PHACTR2: variants seen among roughly 807,000 people sequenced by gnomAD.
PHACTR2 encodes the protein chromosome 6 open reading frame 56.
A neutral mutation model predicts 76.0 loss-of-function variants in PHACTR2; 30 were observed. The ratio of observed to expected loss-of-function variants is 0.39; its 90% confidence interval spans 0.30 to 0.54. The LOEUF is 0.54. PHACTR2 is among the 20% of genes least tolerant of loss of function. PHACTR2 has a pLI of 0.61. For missense variants in PHACTR2, 696 were observed against 781.1 expected (o/e 0.89, Z 1.30); for synonymous variants, 292 against 292.5 (o/e 1.00, Z 0.02).
At chr6:143,649,891 A>T (rs961265930) in intron 1 of PHACTR2, among the ~76,000 whole-genome samples, 1 of 152,190 alleles carries the variant, frequency 6.6e-6, no homozygotes, top group African/African-American at 2.4e-5. Flanking sequence ...CAGGAAGAGG[A>T]AGTCAAATAT....
At chr6:143,798,755 C>G (rs888023207) in intron 11 of PHACTR2, among the ~76,000 whole-genome samples, 2 of 152,122 alleles carry the variant, frequency 1.3e-5, no homozygotes, top group Non-Finnish European at 2.9e-5. Context: ...CATGGTGGAT[C>G]AGCTTTTTGA....
chr6:143,779,392 C>T (rs1316576804), intron 9 of PHACTR2, among the ~76,000 whole-genome samples: 2 of 151,210 alleles, frequency 1.3e-5, no homozygotes, highest in African/African-American at 4.9e-5. Flanking sequence ...CTCTGTTGCC[C>T]AGGCTGGAGG....
At chr6:143,567,247 C>A (rs1045190305) in intron 1 of PHACTR2, among the ~76,000 whole-genome samples, 3 of 152,058 alleles carry the variant, frequency 2.0e-5, no homozygotes, top group African/African-American at 7.2e-5. Context: ...TTTGAAAACC[C>A]CCAAAAATTT....
Position 143,700,171 on chromosome 6 carries a change from T to C in PHACTR2, c.47-11845T>C, listed in dbSNP as rs2128458217. Among the ~76,000 whole-genome samples, 1 of 152,344 alleles carries C rather than the reference T, an allele frequency of 6.6e-6. No homozygotes were observed. On this transcript the variant is annotated intron_variant, in intron 1 of 12. Transcript: ENST00000440869. The surrounding 1 kb of genome is among the most constrained non-coding windows in gnomAD (Gnocchi z 4.1). ...AATATATTGGTCTAGATTTAATGTG[T>C]TATTTTAATAATATTTGTGTTACAT...
chr6:143,824,750 A>AT lies in PHACTR2; in HGVS notation c.*1068dup, dbSNP rs1383058986. 1 of 152,184 alleles carries AT rather than the reference A, an allele frequency of 6.6e-6. No individual in the cohort carries two copies. The highest frequency in any genetic ancestry group is 1.5e-5 in the Non-Finnish European group (1 of 67,944). The allele number at this position is 152,184 out of a possible 1,614,324, so 9.4% of individuals were successfully genotyped here. A position where few individuals can be genotyped will look rare whatever the true frequency, so the allele number is the denominator to read the frequency against. On this transcript the variant is annotated 3_prime_UTR_variant, in exon 13 of 13. Coordinates refer to ENST00000440869, the MANE Select transcript of PHACTR2 (RefSeq NM_001100164.2). This position sits in a 1 kb window ranked among gnomAD's most constrained non-coding sequence, Gnocchi z 6.3. ...GGACTAGTTATTTTTTTAGTGCTGC[A>AT]TTTTTTTAAAGTTGGATTGCTGCTA...
rs1011250484 is a variant in PHACTR2, at chr6:143,664,204, T to C, written c.14-47812T>C. The stretch of plus-strand genomic sequence containing the variant: ...ACCTTCAGTTTTAATTTATCTATTA[T>C]TAATATTGAGATTATAAATTTTCTT... On this transcript the variant is annotated intron_variant, in intron 1 of 11. Coordinates refer to the PHACTR2 transcript ENST00000305766. The surrounding 1 kb of genome is among the most constrained non-coding windows in gnomAD (Gnocchi z 5.1). Among the ~76,000 whole-genome samples the C allele has an allele frequency of 2.0e-5, 3 of 152,134 alleles. No homozygotes were observed. The highest frequency in any genetic ancestry group is 1.9e-4 in the East Asian group (1 of 5,204).
At chr6:143,620,252 A>G (rs1776129457) in intron 1 of PHACTR2, among the ~76,000 whole-genome samples, 1 of 152,154 alleles carries the variant, frequency 6.6e-6, no homozygotes, top group South Asian at 2.1e-4. Flanking sequence ...TGCTCCATAA[A>G]CAAAGGTGTC....
At chr6:143,815,504 A>G (rs564644126) in intron 12 of PHACTR2, among the ~76,000 whole-genome samples, 28 of 152,322 alleles carry the variant, frequency 1.8e-4, no homozygotes, top group South Asian at 4.1e-4. Flanking sequence ...AGGGGAATGA[A>G]TTATTTAGGA....
chr6:143,679,509 G>A lies in PHACTR2; in HGVS notation c.46+1300G>A, dbSNP rs1355205633. ...GTTTCCTTTGTCTTACCTTAAAGTG[G>A]TGTGAGACTTCTTTTCATTTCAAGG... On this transcript the variant is annotated intron_variant, in intron 1 of 12. Transcript: ENST00000440869. The surrounding 1 kb of genome is among the most constrained non-coding windows in gnomAD (Gnocchi z 4.6). Among the ~76,000 whole-genome samples the A allele has an allele frequency of 6.6e-6, 1 of 152,138 alleles. No homozygotes were observed. Among genetic ancestry groups the A allele is most frequent in the Admixed American group, 6.5e-5 (1 of 15,280 alleles).
Position 143,608,784 on chromosome 6 carries a change from T to C in PHACTR2, c.13+462T>C, listed in dbSNP as rs1775931417. The stretch of plus-strand genomic sequence containing the variant: ...CTTTCATCTTCACGTTAGGATGCAA[T>C]GTCGAAAATGTTTCGATAGCCTCTG... On this transcript the variant is annotated intron_variant, in intron 1 of 11. Coordinates refer to the PHACTR2 transcript ENST00000305766. This position sits in a 1 kb window ranked among gnomAD's most constrained non-coding sequence, Gnocchi z 4.6. Among the ~76,000 whole-genome samples the C allele has an allele frequency of 6.6e-6, 1 of 152,202 alleles. No homozygotes were observed. The highest frequency in any genetic ancestry group is 1.5e-5 in the Non-Finnish European group (1 of 68,034).
intron 2 of PHACTR2, among the ~76,000 whole-genome samples, chr6:143,719,732 G>A (rs62427401): frequency 0.056 from 8,169 of 144,636 alleles, 430 homozygotes; most frequent in East Asian, 0.3. Context: ...AATTTACTGT[G>A]TCAGGGAGAA....
rs1292462471 is a variant in PHACTR2 at position 143,796,387 on chromosome 6, CTT to C, written c.1845+7479_1845+7480del. Among the ~76,000 whole-genome samples, 339 of 36,408 alleles carry C rather than the reference CTT, an allele frequency of 9.3e-3. 2 individuals are homozygous for C. The highest frequency in any genetic ancestry group is 0.033 in the African/African-American group (325 of 9,816). 23.9% of individuals were successfully genotyped at this position (36,408 alleles called of 152,430 possible). A position where few individuals can be genotyped will look rare whatever the true frequency, so the allele number is the denominator to read the frequency against. ...TCTGCATTTTCTTTTTCTTTTCTTT[CTT>C]TCTTTCTTTCTTTCTTTCTTTCTTT... is the stretch of plus-strand genomic sequence containing the variant. On this transcript the variant is annotated intron_variant, in intron 11 of 12. Transcript: ENST00000440869.
chr6:143,653,933 C>G lies in PHACTR2; in HGVS notation c.13+45611C>G, dbSNP rs1359862816. On this transcript the variant is annotated intron_variant, in intron 1 of 11. Coordinates refer to the PHACTR2 transcript ENST00000305766. This position sits in a 1 kb window ranked among gnomAD's most constrained non-coding sequence, Gnocchi z 4.9. ...ACCATCTATAAAGTGAAAAGACTAC[C>G]CAGAGAATGGGAGGAAAGTTTTGTA... Among the ~76,000 whole-genome samples the G allele has an allele frequency of 6.6e-6, 1 of 151,946 alleles. No individual in the cohort carries two copies. The highest frequency in any genetic ancestry group is 2.4e-5 in the African/African-American group (1 of 41,370).
rs1173470418 is a variant in PHACTR2, at chr6:143,695,304, T to C, written c.47-16712T>C. On this transcript the variant is annotated intron_variant, in intron 1 of 12. Transcript: ENST00000440869. The surrounding 1 kb of genome is among the most constrained non-coding windows in gnomAD (Gnocchi z 4.4). The stretch of plus-strand genomic sequence containing the variant: ...CACCCTTTAGTTGTGACTCTGTCAT[T>C]GTAGACTTTTAAGGCATCTTGCAGA... Among the ~76,000 whole-genome samples, 1 of 152,206 alleles carries C rather than the reference T, an allele frequency of 6.6e-6. No homozygotes were observed. Among genetic ancestry groups the C allele is most frequent in the Non-Finnish European group, 1.5e-5 (1 of 68,040 alleles).
Position 143,791,451 on chromosome 6 carries a change from C to T in PHACTR2, c.1845+2541C>T, listed in dbSNP as rs1352260848. Among the ~76,000 whole-genome samples, 1 of 152,164 alleles carries T rather than the reference C, an allele frequency of 6.6e-6. No homozygotes were observed. Among genetic ancestry groups the T allele is most frequent in the African/African-American group, 2.4e-5 (1 of 41,444 alleles). On this transcript the variant is annotated intron_variant, in intron 11 of 12. Transcript: ENST00000440869. This position sits in a 1 kb window ranked among gnomAD's most constrained non-coding sequence, Gnocchi z 4.7. ...TTTAAGAATGTGGATGTCTGGGTCC[C>T]ATCTCCAGAGATGCTGATCTCATTG...
intron 2 of PHACTR2, among the ~76,000 whole-genome samples, chr6:143,724,289 G>A (rs1052952470): frequency 5.9e-5 from 9 of 151,936 alleles, no homozygotes; most frequent in African/African-American, 2.2e-4. Flanking sequence ...CCGCCACCAC[G>A]CCTGGCTAAT....
rs1359503727 is a variant in PHACTR2, at chr6:143,743,735, G to A, written c.215-5250G>A. On this transcript the variant is annotated intron_variant, in intron 2 of 12. Transcript: ENST00000440869. The surrounding 1 kb of genome is among the most constrained non-coding windows in gnomAD (Gnocchi z 5.0). ...TGTGTTTCTGTCACAGTTTTACAGT[G>A]AGGCCATTCAGTACTCAGAACTGAG... Among the ~76,000 whole-genome samples the A allele has an allele frequency of 2.0e-5, 3 of 152,186 alleles. No individual in the cohort carries two copies. The highest frequency in any genetic ancestry group is 6.5e-5 in the Admixed American group (1 of 15,280).
Position 143,774,511 on chromosome 6 carries a change from A to G in PHACTR2, c.1589+296A>G, listed in dbSNP as rs1775228150. ...AGACAGTCTCTGTTGCAGCTACTCAACTGCGCTGCTGTAGCATAAAAGCAG... is the reference window on the plus strand; with the variant it reads ...AGACAGTCTCTGTTGCAGCTACTCAGCTGCGCTGCTGTAGCATAAAAGCAG... On this transcript the variant is annotated intron_variant, in intron 8 of 12. Transcript: ENST00000440869. This position sits in a 1 kb window ranked among gnomAD's most constrained non-coding sequence, Gnocchi z 5.4. 6.6e-6 allele frequency among the ~76,000 whole-genome samples: 1 copy of G among 152,208 alleles called. No individual in the cohort carries two copies. Among genetic ancestry groups the G allele is most frequent in the Non-Finnish European group, 1.5e-5 (1 of 68,040 alleles).
At position 143,782,327 on chromosome 6, in the gene PHACTR2, A is replaced by G. The variant is rs947166634; in HGVS notation, c.1646-892A>G. Among the ~76,000 whole-genome samples the G allele has an allele frequency of 3.3e-5, 5 of 152,174 alleles. No homozygotes were observed. Among genetic ancestry groups the G allele is most frequent in the Admixed American group, 6.5e-5 (1 of 15,268 alleles). On this transcript the variant is annotated intron_variant, in intron 9 of 12. Coordinates refer to ENST00000440869, the MANE Select transcript of PHACTR2 (RefSeq NM_001100164.2). The surrounding 1 kb of genome is among the most constrained non-coding windows in gnomAD (Gnocchi z 4.6). ...ATATGGTGTTATTTTCCTGCAAAAG[A>G]GTTCATAATAGCACTTTCTAAAACA...
Sources: allele counts gnomAD v4.1 joint callset (sites outside exome capture counted in the v4.1 genomes callset), GRCh38; gene constraint gnomAD v4.1.1; non-coding constraint Gnocchi (gnomAD v3.1); transcripts MANE v1.5; gene names NCBI Gene and HGNC (gene_info 2026-07-23, HGNC 2026-07-21).